The following LDLRAD3 variants were observed in gnomAD, a reference collection of about 807,000 sequenced individuals.
LDLRAD3 encodes the protein low-density lipoprotein receptor class A domain-containing protein 3.
LDLRAD3 carries 20 observed loss-of-function variants against 29.4 expected under a neutral mutation model. The ratio of observed to expected loss-of-function variants is 0.68; its 90% confidence interval spans 0.48 to 0.99. LDLRAD3 has a LOEUF of 0.99. LDLRAD3 is among the 50% of genes least tolerant of loss of function. The probability of loss-of-function intolerance (pLI) is 0.00; values close to 1 mark genes in which losing one functional copy is unlikely to be tolerated. For missense variants in LDLRAD3, 420 were observed against 454.3 expected, an observed-to-expected ratio of 0.92 and a Z score of 0.69; for synonymous variants, 157 against 192.7, an observed-to-expected ratio of 0.81 and a Z score of 1.53.
intron 3 of LDLRAD3, 126 bp from the exon 4 acceptor site, chr11:36,098,201 T>C: frequency 1.7e-6 from 2 of 1,151,222 alleles, no homozygotes; most frequent in South Asian, 1.5e-5. Flanking sequence ...GGGCTTTGAG[T>C]CTGCCAGCTT....
At chr11:36,187,390 A>G (rs1165537518) in intron 4 of LDLRAD3, among the ~76,000 whole-genome samples, 1 of 151,586 alleles carries the variant, frequency 6.6e-6, no homozygotes, top group African/African-American at 2.4e-5. Flanking sequence ...ATGTGTAGAT[A>G]GAAAAATACC....
At chr11:35,946,374 CT>C (rs1590672236) in intron 1 of LDLRAD3, among the ~76,000 whole-genome samples, 1 of 152,218 alleles carries the variant, frequency 6.6e-6, no homozygotes, top group East Asian at 1.9e-4. Context: ...AGTCCTGAGT[CT>C]TTGTGGGGCT....
At chr11:36,103,742 T>C (rs1853485862) in intron 4 of LDLRAD3, among the ~76,000 whole-genome samples, 1 of 152,212 alleles carries the variant, frequency 6.6e-6, no homozygotes, top group East Asian at 1.9e-4. Context: ...CAAGTCCCTC[T>C]GTAGGCCGTT....
chr11:36,054,970 CATGGATGGATGG>C lies in LDLRAD3; in HGVS notation c.193+18741_193+18752del, dbSNP rs147422335. Among the ~76,000 whole-genome samples the C allele has an allele frequency of 2.3e-5, 2 of 87,308 alleles. 1 individual carries two copies. Among genetic ancestry groups the C allele is most frequent in the African/African-American group, 9.2e-5 (2 of 21,650 alleles). 57.3% of individuals were successfully genotyped at this position (87,308 alleles called of 152,430 possible). A position where few individuals can be genotyped will look rare whatever the true frequency, so the allele number is the denominator to read the frequency against. On this transcript the variant is annotated intron_variant, in intron 2 of 5. Coordinates refer to ENST00000315571, the MANE Select transcript of LDLRAD3 (RefSeq NM_174902.4). ...TGATGGATACACGGATGGATGGATG[CATGGATGGATGG>C]ATGGATGGATGGATGGATGCATGGA...
rs925454538 is a variant in LDLRAD3, at chr11:36,056,242, C to T, written c.193+19993C>T. Among the ~76,000 whole-genome samples the T allele has an allele frequency of 1.6e-4, 24 of 152,052 alleles. 1 individual carries two copies. The highest frequency in any genetic ancestry group is 9.7e-5 in the African/African-American group (4 of 41,388). ...ACTCCTGACTTTGTGATCCACCCGC[C>T]GCGGCCTCCCAAAGTGCTGGGTTTA... On this transcript the variant is annotated intron_variant, in intron 2 of 5. Transcript: ENST00000315571.
At chr11:35,955,160 G>A (rs1161772373) in intron 1 of LDLRAD3, among the ~76,000 whole-genome samples, 1 of 152,166 alleles carries the variant, frequency 6.6e-6, no homozygotes, top group Non-Finnish European at 1.5e-5. Flanking sequence ...CACGAGAATC[G>A]CTTGAACCTG....
chr11:36,174,923 A>C (rs1182297706), intron 4 of LDLRAD3, among the ~76,000 whole-genome samples: 2 of 152,190 alleles, frequency 1.3e-5, no homozygotes, highest in Admixed American at 1.3e-4. Context: ...CAGAGCTTGC[A>C]GTGAGCTGAG....
rs1186979855 is a variant in LDLRAD3 at position 36,045,776 on chromosome 11, G to A, written c.193+9527G>A. The stretch of plus-strand genomic sequence containing the variant: ...TTATTTCAGTAGTTTTTGAGAAACA[G>A]GTGGTTTTTGGTTACATGGTAAGTT... On this transcript the variant is annotated intron_variant, in intron 2 of 5. Transcript: ENST00000315571. Among the ~76,000 whole-genome samples the A allele has an allele frequency of 2.0e-5, 3 of 151,138 alleles. No individual in the cohort carries two copies. In the South Asian group the frequency reaches 6.3e-4, roughly 32 times the overall value.
chr11:36,173,959 A>G (rs968260548), intron 4 of LDLRAD3, among the ~76,000 whole-genome samples: 25 of 152,226 alleles, frequency 1.6e-4, no homozygotes, highest in Non-Finnish European at 3.1e-4. Flanking sequence ...CCTGACTTCA[A>G]ACTACACTAC....
At chr11:36,054,009 T>C (rs1852568384) in intron 2 of LDLRAD3, among the ~76,000 whole-genome samples, 2 of 152,238 alleles carry the variant, frequency 1.3e-5, no homozygotes, top group African/African-American at 4.8e-5. Flanking sequence ...CTGTGGATTG[T>C]ATAATCATCC....
At chr11:36,088,764 A>G (rs1472065325) in intron 3 of LDLRAD3, among the ~76,000 whole-genome samples, 1 of 151,698 alleles carries the variant, frequency 6.6e-6, no homozygotes, top group Admixed American at 6.6e-5. Context: ...CTCCTTAAAG[A>G]CTCTCACATG....
At chr11:36,088,314 C>T (rs897477327) in intron 3 of LDLRAD3, among the ~76,000 whole-genome samples, 2 of 152,128 alleles carry the variant, frequency 1.3e-5, no homozygotes, top group Non-Finnish European at 2.9e-5. Flanking sequence ...GCACGGCTCT[C>T]ACCCCAGTCC....
rs541680154 is a variant in LDLRAD3, at chr11:36,211,401, A to G, written c.455-15684A>G. Reference sequence around the variant, plus strand: ...TGAGCAATGCTTGGTGGGAATATAAAGCAGGAAACATACCATGGTCTTATT... The same window carrying G: ...TGAGCAATGCTTGGTGGGAATATAAGGCAGGAAACATACCATGGTCTTATT... On this transcript the variant is annotated intron_variant, in intron 4 of 5. Transcript: ENST00000315571. 2.6e-5 allele frequency among the ~76,000 whole-genome samples: 4 copies of G among 152,322 alleles called. No individual in the cohort carries two copies. The South Asian group carries it at 6.2e-4, about 24-fold the overall frequency.
At chr11:36,052,269 A>G (rs1413061613) in intron 2 of LDLRAD3, among the ~76,000 whole-genome samples, 2 of 152,224 alleles carry the variant, frequency 1.3e-5, no homozygotes, top group Admixed American at 1.3e-4. Context: ...TGGTGACATG[A>G]TATGGGTTAT....
At chr11:36,051,818 A>T (rs1590227763) in intron 2 of LDLRAD3, among the ~76,000 whole-genome samples, 1 of 152,354 alleles carries the variant, frequency 6.6e-6, no homozygotes, top group South Asian at 2.1e-4. Flanking sequence ...CGTCTCTCGA[A>T]TAACCACAAA....
At chr11:36,140,713 G>A (rs1480421420) in intron 4 of LDLRAD3, among the ~76,000 whole-genome samples, 1 of 152,098 alleles carries the variant, frequency 6.6e-6, no homozygotes, top group African/African-American at 2.4e-5. Context: ...GAGCCACCGT[G>A]CCTGACGTTG....
intron 1 of LDLRAD3, among the ~76,000 whole-genome samples, chr11:35,965,686 C>A (rs1213363093): frequency 6.6e-6 from 1 of 152,092 alleles, no homozygotes; most frequent in Non-Finnish European, 1.5e-5. Flanking sequence ...TAGCATCTGC[C>A]AGGCGTATGT....
chr11:36,018,036 T>A (rs971123146), intron 1 of LDLRAD3, among the ~76,000 whole-genome samples: 1 of 152,216 alleles, frequency 6.6e-6, no homozygotes, highest in Non-Finnish European at 1.5e-5. Context: ...TTGTTTATCA[T>A]GGATCCTGTT....
intron 4 of LDLRAD3, among the ~76,000 whole-genome samples, chr11:36,140,711 G>A (rs906735157): frequency 3.3e-5 from 5 of 152,096 alleles, no homozygotes; most frequent in South Asian, 4.1e-4. Flanking sequence ...GTGAGCCACC[G>A]TGCCTGACGT....
Sources: gnomAD v4.1 joint callset for allele counts (sites outside exome capture counted in the v4.1 genomes callset) on GRCh38, gnomAD v4.1.1 for gene constraint, MANE v1.5 for transcripts, NCBI Gene and HGNC (gene_info 2026-07-23, HGNC 2026-07-21) for gene names.